The following PIK3R6 variants were observed in gnomAD, a reference collection of about 807,000 sequenced individuals.
PIK3R6 encodes phosphoinositide 3-kinase regulatory subunit 6.
In PIK3R6, 91 loss-of-function variants were observed where a neutral mutation model predicts 84.9. The ratio of observed to expected loss-of-function variants is 1.07; its 90% CI spans 0.90 to 1.28. The LOEUF is 1.28. Ranked by LOEUF, PIK3R6 falls within the 50% of genes most tolerant of loss-of-function variation. The pLI is 0.00. For missense variants in PIK3R6, 996 were observed against 985.1 expected (o/e 1.01, Z -0.15); for synonymous variants, 416 against 411.4 (o/e 1.01, Z -0.13).
chr17:8,829,622 G>T lies in PIK3R6; in HGVS notation c.889+84C>A. 4 of 1,315,180 alleles carry T rather than the reference G, an allele frequency of 3.0e-6. No homozygotes were observed. The South Asian group carries it at 4.0e-5, about 13-fold the overall frequency. The allele number at this position is 1,315,180 out of a possible 1,614,324, so 81.5% of individuals were successfully genotyped here. ...TGCATACACACACTGACACACGCAT[G>T]CACACTGACACACACTCATGCACGC... On this transcript the variant is annotated intron_variant, in intron 10 of 19. Transcript: ENST00000619866.
chr17:8,846,900 G>A (rs903918696), intron 2 of PIK3R6, among the ~76,000 whole-genome samples: 2 of 152,106 alleles, frequency 1.3e-5, no homozygotes, highest in African/African-American at 2.4e-5. Context: ...GTCCCTTGTA[G>A]GCCTGTGTTC....
chr17:8,838,719 G>A, intron 3 of PIK3R6, 64 bp from the exon 4 acceptor site: 2 of 1,443,990 alleles, frequency 1.4e-6, no homozygotes, highest in Admixed American at 2.0e-5. Context: ...AGACCCCTCT[G>A]AGCAGGACCC....
At position 8,803,260 on chromosome 17, in the gene PIK3R6, T is replaced by C. The variant is rs187966005; in HGVS notation, c.*13A>G. 3,288 of 1,611,932 alleles carry C rather than the reference T, an allele frequency of 2.0e-3. 47 individuals carry two copies. The highest frequency in any genetic ancestry group is 0.02 in the South Asian group (1,804 of 91,000). On this transcript the variant is annotated 3_prime_UTR_variant, in exon 20 of 20. Transcript: ENST00000619866. This position sits in a 1 kb window ranked among gnomAD's most constrained non-coding sequence, Gnocchi z 5.0. The stretch of plus-strand genomic sequence containing the variant: ...AGTGTATCCTTCCTCCTGGGCCTGC[T>C]GTCCCTGCAGGCTCACTGGACAATA...
chr17:8,836,483 G>A, intron 7 of PIK3R6, 64 bp downstream of exon 7: 1 of 1,549,992 alleles, frequency 6.5e-7, no homozygotes, highest in South Asian at 1.1e-5. Flanking sequence ...CTGCCAGGGA[G>A]CAGTCACTAA....
intron 10 of PIK3R6, 101 bp downstream of exon 10, chr17:8,829,605 C>G: frequency 8.2e-7 from 1 of 1,219,950 alleles, no homozygotes. Flanking sequence ...CATGCATACA[C>G]ACACTGACAC....
intron 1 of PIK3R6, among the ~76,000 whole-genome samples, chr17:8,852,567 G>A (rs1188564817): frequency 2.6e-5 from 4 of 151,880 alleles, no homozygotes; most frequent in Non-Finnish European, 4.4e-5. Flanking sequence ...GTGAAACCCC[G>A]TCTCTACTAA....
intron 1 of PIK3R6, among the ~76,000 whole-genome samples, chr17:8,860,294 G>A (rs567314460): frequency 5.3e-5 from 8 of 151,852 alleles, no homozygotes; most frequent in African/African-American, 1.4e-4. Flanking sequence ...TGGGGCGGGG[G>A]GCGGTGTGGG....
At chr17:8,828,335 G>C (rs2088020789) in intron 11 of PIK3R6, 145 bp from the exon 12 acceptor site, 3 of 966,568 alleles carry the variant, frequency 3.1e-6, no homozygotes, top group Non-Finnish European at 4.7e-6. Context: ...AATGGGTACA[G>C]TAATGTCTCC....
chr17:8,850,581 T>C (rs1270602961), intron 1 of PIK3R6, among the ~76,000 whole-genome samples: 1 of 152,206 alleles, frequency 6.6e-6, no homozygotes, highest in East Asian at 1.9e-4. Flanking sequence ...GCATGACCTC[T>C]GTCTGCTCCA....
At chr17:8,818,485 C>T (rs1459978690) in intron 18 of PIK3R6, among the ~76,000 whole-genome samples, 2 of 152,094 alleles carry the variant, frequency 1.3e-5, no homozygotes, top group African/African-American at 4.8e-5. Context: ...CCTGTCTCTA[C>T]TAAAAATACA....
Position 8,838,631 on chromosome 17 carries a change from T to C in PIK3R6, c.122A>G (p.Lys41Arg), listed in dbSNP as rs780810385. 13 of 1,605,224 alleles carry C rather than the reference T, an allele frequency of 8.1e-6. No homozygotes were observed. The Admixed American group carries it at 1.0e-4, about 13-fold the overall frequency. Residue 41 changes from lysine (K) to arginine (R), a missense_variant, in exon 4 of 20, where the codon AAG (lysine) becomes AGG (arginine). Physicochemically the swap from Lys to Arg is conservative, Grantham distance 26. Coordinates refer to ENST00000619866, the MANE Select transcript of PIK3R6 (RefSeq NM_001010855.4). ...CTTACCGGGATCTCGCTCGACCTTC[T>C]TGTGCAGGGACCACCTCCACATGCC... Reference protein sequence around the residue: ...NQGMWRWSLHKKVERDPGKSP... With the variant: ...NQGMWRWSLHRKVERDPGKSP...
At chr17:8,829,055 G>A in intron 10 of PIK3R6, 65 bp from the exon 11 acceptor site, 1 of 1,413,358 alleles carries the variant, frequency 7.1e-7, no homozygotes, top group East Asian at 2.5e-5. Flanking sequence ...TCTGATTTCA[G>A]CCAGTCCTCT....
intron 18 of PIK3R6, among the ~76,000 whole-genome samples, chr17:8,811,591 A>G (rs1413155303): frequency 6.8e-6 from 1 of 148,114 alleles, no homozygotes; most frequent in African/African-American, 2.5e-5. Flanking sequence ...GCTGCTTAGA[A>G]GTTTCTTCTG....
At chr17:8,864,308 G>A (rs2089351105) in intron 1 of PIK3R6, among the ~76,000 whole-genome samples, 1 of 151,924 alleles carries the variant, frequency 6.6e-6, no homozygotes, top group African/African-American at 2.4e-5. Flanking sequence ...ATTTGGATTG[G>A]GCTCCTTGCG....
At chr17:8,828,275 C>T in intron 11 of PIK3R6, 85 bp from the exon 12 acceptor site, 1 of 1,396,388 alleles carries the variant, frequency 7.2e-7, no homozygotes, top group African/African-American at 1.4e-5. Context: ...TATCTCTTGA[C>T]CTTGGGCAAT....
intron 1 of PIK3R6, among the ~76,000 whole-genome samples, chr17:8,853,734 G>T (rs183668488): frequency 6.6e-6 from 1 of 151,698 alleles, no homozygotes; most frequent in Non-Finnish European, 1.5e-5. Flanking sequence ...GAGGCCAAGG[G>T]GGGCAGGTCA....
At chr17:8,835,584 A>G in intron 7 of PIK3R6, 128 bp from the exon 8 acceptor site, 1 of 780,510 alleles carries the variant, frequency 1.3e-6, no homozygotes, top group Admixed American at 3.1e-5. Flanking sequence ...GAGGAGTCTC[A>G]GATTCAAAAG....
chr17:8,824,618 G>C (rs1353247834), intron 13 of PIK3R6, among the ~76,000 whole-genome samples: 1 of 152,106 alleles, frequency 6.6e-6, no homozygotes, highest in Non-Finnish European at 1.5e-5. Flanking sequence ...GTAAGCATAG[G>C]GCCATTCAAA....
At chr17:8,822,044 G>A (rs1385362270) in intron 16 of PIK3R6, 108 bp from the exon 17 acceptor site, 7 of 712,528 alleles carry the variant, frequency 9.8e-6, no homozygotes, top group East Asian at 9.1e-5. Context: ...CACCCCTGCT[G>A]TGAGAGTCTT....
Sources: allele counts gnomAD v4.1 joint callset (sites outside exome capture counted in the v4.1 genomes callset), GRCh38; gene constraint gnomAD v4.1.1; non-coding constraint Gnocchi (gnomAD v3.1); transcripts MANE v1.5; gene names NCBI Gene and HGNC (gene_info 2026-07-23, HGNC 2026-07-21).